The following KCNQ1 variants were observed in gnomAD, a reference collection of about 807,000 sequenced individuals.
The protein encoded by KCNQ1 is potassium voltage-gated channel subfamily Q member 1.
A neutral mutation model predicts 72.4 loss-of-function variants in KCNQ1; 49 were observed. The ratio of observed to expected loss-of-function variants is 0.68; its 90% CI spans 0.54 to 0.86. KCNQ1 has a LOEUF of 0.86. Ranked by LOEUF, KCNQ1 falls within the 40% of genes least tolerant of loss-of-function variation. The pLI is 0.00. For missense variants in KCNQ1, 790 were observed against 945.1 expected, an observed-to-expected ratio of 0.84 and a Z score of 2.15; for synonymous variants, 450 against 412.6, an observed-to-expected ratio of 1.09 and a Z score of -1.10.
intron 15 of KCNQ1, among the ~76,000 whole-genome samples, chr11:2,801,793 G>A (rs1398117169): frequency 2.6e-5 from 4 of 152,318 alleles, no homozygotes; most frequent in Non-Finnish European, 4.4e-5. Context: ...AGCTTGTTGC[G>A]GGGGTGTCCT....
At chr11:2,672,235 C>CA (rs1850196542) in intron 11 of KCNQ1, 1 of 398,660 alleles carries the variant, frequency 2.5e-6, no homozygotes, top group Non-Finnish European at 4.4e-6. Flanking sequence ...CCAAAATACT[C>CA]AAATGCTTTT....
chr11:2,744,179 G>C (rs1846101016), intron 11 of KCNQ1, among the ~76,000 whole-genome samples: 1 of 152,280 alleles, frequency 6.6e-6, no homozygotes, highest in Non-Finnish European at 1.5e-5. Context: ...ATTACAGGGA[G>C]CTGGGGACTC....
intron 7 of KCNQ1, among the ~76,000 whole-genome samples, chr11:2,584,756 G>A (rs772901910): frequency 5.3e-5 from 8 of 152,108 alleles, no homozygotes; most frequent in East Asian, 1.9e-4. Flanking sequence ...CGTGCACCAC[G>A]TGATCTCCTC....
chr11:2,653,646 A>C lies in KCNQ1; in HGVS notation c.1394-8315A>C, dbSNP rs919790507. 1.0e-5 allele frequency: 4 copies of C among 398,526 alleles called. No individual in the cohort carries two copies. Among genetic ancestry groups the C allele is most frequent in the African/African-American group, 6.2e-5 (3 of 48,614 alleles). 24.7% of individuals were successfully genotyped at this position (398,526 alleles called of 1,614,324 possible). Reference sequence around the variant, plus strand: ...TATCCTTAGGCAGCTACTTTCTAAAAGGGGCAAAATGGCCACCAGCTTGCA... The same window carrying C: ...TATCCTTAGGCAGCTACTTTCTAAACGGGGCAAAATGGCCACCAGCTTGCA... On this transcript the variant is annotated intron_variant, in intron 10 of 15. Transcript: ENST00000155840. This position sits in a 1 kb window ranked among gnomAD's most constrained non-coding sequence, Gnocchi z 5.3.
chr11:2,611,979 T>A lies in KCNQ1; in HGVS notation c.1393+23125T>A, dbSNP rs1848985405. The A allele has an allele frequency of 5.0e-6, 2 of 398,670 alleles. No homozygotes were observed. Among genetic ancestry groups the A allele is most frequent in the Non-Finnish European group, 8.8e-6 (2 of 226,074 alleles). 24.7% of individuals were successfully genotyped at this position (398,670 alleles called of 1,614,324 possible). On this transcript the variant is annotated intron_variant, in intron 10 of 15. Transcript: ENST00000155840. This position sits in a 1 kb window ranked among gnomAD's most constrained non-coding sequence, Gnocchi z 5.3. ...TTTTGTCTGCCCTATTCTCTCCTTCTCAGTACTCTTATTAACACATATGTT... is the reference window on the plus strand; with the variant it reads ...TTTTGTCTGCCCTATTCTCTCCTTCACAGTACTCTTATTAACACATATGTT...
chr11:2,682,548 G>A lies in KCNQ1; in HGVS notation c.1514+20467G>A. On this transcript the variant is annotated intron_variant, in intron 11 of 15. Transcript: ENST00000155840. This position sits in a 1 kb window ranked among gnomAD's most constrained non-coding sequence, Gnocchi z 5.8. ...AAACCAGGTGCTAGGACCCTGGCAG[G>A]GGTTCCATAAGGCTATGCTGGGGTT... 2.5e-6 allele frequency: 1 copy of A among 398,542 alleles called. No homozygotes were observed. The highest frequency in any genetic ancestry group is 4.4e-6 in the Non-Finnish European group (1 of 226,092). 24.7% of individuals were successfully genotyped at this position (398,542 alleles called of 1,614,324 possible).
In KCNQ1 at chr11:2,543,401, G is replaced by A. The variant is rs1847857057; in HGVS notation, c.477+15383G>A. 6.6e-6 allele frequency among the ~76,000 whole-genome samples: 1 copy of A among 152,050 alleles called. No homozygotes were observed. Among genetic ancestry groups the A allele is most frequent in the African/African-American group, 2.4e-5 (1 of 41,394 alleles). On this transcript the variant is annotated intron_variant, in intron 2 of 15. Transcript: ENST00000155840. The surrounding 1 kb of genome is among the most constrained non-coding windows in gnomAD (Gnocchi z 5.6). ...GGATCCTCCCACCTCAGCCTCCCAA[G>A]TAGCTGGGACTATAGGCATGTGCCA...
At chr11:2,520,462 G>A (rs1033614417) in intron 1 of KCNQ1, among the ~76,000 whole-genome samples, 4 of 152,166 alleles carry the variant, frequency 2.6e-5, no homozygotes, top group African/African-American at 9.7e-5. Flanking sequence ...GGACCTTGGC[G>A]ACCTCCAAAC....
chr11:2,654,952 T>C lies in KCNQ1; in HGVS notation c.1394-7009T>C, dbSNP rs1849818785. On this transcript the variant is annotated intron_variant, in intron 10 of 15. Coordinates refer to ENST00000155840, the MANE Select transcript of KCNQ1 (RefSeq NM_000218.3). This position sits in a 1 kb window ranked among gnomAD's most constrained non-coding sequence, Gnocchi z 6.4. ...AGATACAGGAGACTTCCACAAATTA[T>C]TGTTTCTTGACTTGGAAAAGTATCA... The C allele has an allele frequency of 1.3e-5, 5 of 398,562 alleles. No homozygotes were observed. Among genetic ancestry groups the C allele is most frequent in the Non-Finnish European group, 2.2e-5 (5 of 226,048 alleles). 24.7% of individuals were successfully genotyped at this position (398,562 alleles called of 1,614,324 possible).
rs1040664055 is a variant in KCNQ1, at chr11:2,481,226, T to C, written c.386+35742T>C. ...GCTTTTAGTAGATCAGTTTTTCTGA[T>C]TGTAAAGTTCAGAAATGTTAATCAG... On this transcript the variant is annotated intron_variant, in intron 1 of 15. Coordinates refer to ENST00000155840, the MANE Select transcript of KCNQ1 (RefSeq NM_000218.3). This position sits in a 1 kb window ranked among gnomAD's most constrained non-coding sequence, Gnocchi z 4.6. Among the ~76,000 whole-genome samples, 8 of 152,288 alleles carry C rather than the reference T, an allele frequency of 5.3e-5. No individual in the cohort carries two copies. Among genetic ancestry groups the C allele is most frequent in the Admixed American group, 3.3e-4 (5 of 15,298 alleles).
At position 2,445,335 on chromosome 11, in the gene KCNQ1, T is replaced by C; in HGVS notation, c.237T>C (p.Leu79=). ...APAAPPVASD[L]GPRPPVSLDP... is the part of the protein sequence containing the mutation. ...CCGCGCCCCCAGTTGCCTCCGACCT[T>C]GGCCCGCGGCCGCCGGTGAGCCTAG... is the stretch of plus-strand genomic sequence containing the variant. Residue 79 remains leucine (L), a synonymous_variant, in exon 1 of 16, where the codon CTT becomes CTC. Coordinates refer to ENST00000155840, the MANE Select transcript of KCNQ1 (RefSeq NM_000218.3). The C allele has an allele frequency of 6.3e-7, 1 of 1,589,498 alleles. No individual in the cohort carries two copies. Among genetic ancestry groups the C allele is most frequent in the South Asian group, 1.1e-5 (1 of 89,956 alleles).
At position 2,830,268 on chromosome 11, in the gene KCNQ1, G is replaced by A. The variant is rs2134067426; in HGVS notation, c.1795-17499G>A. On this transcript the variant is annotated intron_variant, in intron 15 of 15. Transcript: ENST00000155840. The surrounding 1 kb of genome is among the most constrained non-coding windows in gnomAD (Gnocchi z 7.7). The stretch of plus-strand genomic sequence containing the variant: ...TGGGGCTGTGCAGGATAAGGCCAGT[G>A]AGAGAAGAGGACTCACTGGTGGGTG... 6.6e-6 allele frequency among the ~76,000 whole-genome samples: 1 copy of A among 152,172 alleles called. No homozygotes were observed. Among genetic ancestry groups the A allele is most frequent in the East Asian group, 1.9e-4 (1 of 5,162 alleles).
chr11:2,610,905 A>T (rs1848970843), intron 10 of KCNQ1: 1 of 398,308 alleles, frequency 2.5e-6, no homozygotes, highest in Non-Finnish European at 4.4e-6. Context: ...CAAGAATAGT[A>T]GTTGGGTAAT....
Position 2,766,354 on chromosome 11 carries a change from T to C in KCNQ1, c.1515-2490T>C, listed in dbSNP as rs1436390383. ...TGTGGTGGTGGCTGAGTGGTCTCTGTTGTCCTCACGTGTCTGGAGCCACTG... is the reference window on the plus strand; with the variant it reads ...TGTGGTGGTGGCTGAGTGGTCTCTGCTGTCCTCACGTGTCTGGAGCCACTG... On this transcript the variant is annotated intron_variant, in intron 11 of 15. Transcript: ENST00000155840. The surrounding 1 kb of genome is among the most constrained non-coding windows in gnomAD (Gnocchi z 4.4). 6.6e-6 allele frequency among the ~76,000 whole-genome samples: 1 copy of C among 152,216 alleles called. No individual in the cohort carries two copies. Among genetic ancestry groups the C allele is most frequent in the East Asian group, 1.9e-4 (1 of 5,202 alleles).
chr11:2,585,144 C>T (rs1027154915), intron 7 of KCNQ1, 68 bp from the exon 8 acceptor site: 217 of 1,390,442 alleles, frequency 1.6e-4, no homozygotes, highest in Middle Eastern at 1.8e-4. Flanking sequence ...CCGGTAACCA[C>T]GTCCTGAGGC....
chr11:2,682,623 T>C lies in KCNQ1; in HGVS notation c.1514+20542T>C. Reference sequence around the variant, plus strand: ...GAGTGTAAGGCTTGAGAGCTCTTCTTCAGGCTCAGTCATCCCTGCTTCCCC... The same window carrying C: ...GAGTGTAAGGCTTGAGAGCTCTTCTCCAGGCTCAGTCATCCCTGCTTCCCC... On this transcript the variant is annotated intron_variant, in intron 11 of 15. Coordinates refer to ENST00000155840, the MANE Select transcript of KCNQ1 (RefSeq NM_000218.3). This position sits in a 1 kb window ranked among gnomAD's most constrained non-coding sequence, Gnocchi z 5.8. 2.5e-6 allele frequency: 1 copy of C among 398,614 alleles called. No individual in the cohort carries two copies. Among genetic ancestry groups the C allele is most frequent in the Non-Finnish European group, 4.4e-6 (1 of 226,070 alleles). 24.7% of individuals were successfully genotyped at this position (398,614 alleles called of 1,614,324 possible).
At position 2,784,928 on chromosome 11, in the gene KCNQ1, G is replaced by A. The variant is rs1846884811; in HGVS notation, c.1794+6891G>A. 6.6e-6 allele frequency among the ~76,000 whole-genome samples: 1 copy of A among 151,838 alleles called. No individual in the cohort carries two copies. Among genetic ancestry groups the A allele is most frequent in the African/African-American group, 2.4e-5 (1 of 41,386 alleles). ...TTTAGCCATTTTTGTTGTTGCTATT[G>A]ATTTCTTAAGATTTTCTACATATAG... is the stretch of plus-strand genomic sequence containing the variant. On this transcript the variant is annotated intron_variant, in intron 15 of 15. Transcript: ENST00000155840. This position sits in a 1 kb window ranked among gnomAD's most constrained non-coding sequence, Gnocchi z 4.7.
Position 2,509,581 on chromosome 11 carries a change from G to A in KCNQ1, c.387-18347G>A, listed in dbSNP as rs1173748389. Among the ~76,000 whole-genome samples the A allele has an allele frequency of 3.3e-5, 5 of 152,198 alleles. No individual in the cohort carries two copies. Among genetic ancestry groups the A allele is most frequent in the Admixed American group, 6.5e-5 (1 of 15,282 alleles). ...GGCAGGAAGTGGCAGCTCCAGGTCC[G>A]GGTGTGAGGGCAGTAGTGCAGGTCG... On this transcript the variant is annotated intron_variant, in intron 1 of 15. Coordinates refer to ENST00000155840, the MANE Select transcript of KCNQ1 (RefSeq NM_000218.3). The surrounding 1 kb of genome is among the most constrained non-coding windows in gnomAD (Gnocchi z 6.3).
intron 1 of KCNQ1, among the ~76,000 whole-genome samples, chr11:2,448,762 G>C (rs1362959853): frequency 6.6e-6 from 1 of 152,240 alleles, no homozygotes; most frequent in East Asian, 1.9e-4. Flanking sequence ...GCTACCTTCT[G>C]TGGGGCATGA....
Sources: gnomAD v4.1 joint callset for allele counts (sites outside exome capture counted in the v4.1 genomes callset) on GRCh38, gnomAD v4.1.1 for gene constraint, Gnocchi (gnomAD v3.1) non-coding constraint, MANE v1.5 for transcripts, NCBI Gene and HGNC (gene_info 2026-07-23, HGNC 2026-07-21) for gene names.